PPP2CB: variants seen among roughly 807,000 people sequenced by gnomAD.
The protein encoded by PPP2CB is protein phosphatase 2 catalytic subunit beta, also known as serine/threonine-protein phosphatase 2A catalytic subunit beta isoform.
Under a neutral mutation model 39.1 loss-of-function variants are expected in PPP2CB, and 18 were observed. The ratio of observed to expected loss-of-function variants is 0.46; its 90% CI spans 0.32 to 0.68. The LOEUF (loss-of-function observed/expected upper bound fraction) is 0.68. PPP2CB is among the 30% of genes least tolerant of loss of function. The pLI, the probability that PPP2CB is intolerant of heterozygous loss-of-function variation, is 0.04. For missense variants in PPP2CB, 226 were observed against 396.9 expected (o/e 0.57, Z 3.66); for synonymous variants, 129 against 133.8 (o/e 0.96, Z 0.25).
chr8:30,789,473 G>A (rs999254510), intron 6 of PPP2CB, among the ~76,000 whole-genome samples: 4 of 152,194 alleles, frequency 2.6e-5, no homozygotes, highest in African/African-American at 7.2e-5. Flanking sequence ...CACCGGAAAT[G>A]TTATGTGACT....
At chr8:30,792,035 T>C (rs146163097) in intron 5 of PPP2CB, among the ~76,000 whole-genome samples, 2 of 151,710 alleles carry the variant, frequency 1.3e-5, no homozygotes, top group Admixed American at 1.3e-4. Context: ...TATGTATACA[T>C]ATATATACAT....
chr8:30,809,681 C>G (rs1261294525), intron 1 of PPP2CB, among the ~76,000 whole-genome samples: 2 of 152,162 alleles, frequency 1.3e-5, no homozygotes, highest in Non-Finnish European at 2.9e-5. Flanking sequence ...TGGCTCACTC[C>G]CGCAATCCCT....
At chr8:30,794,473 CTT>C (rs61107762) in intron 3 of PPP2CB, 192 bp from the exon 4 acceptor site, 3,525 of 389,412 alleles carry the variant, frequency 9.1e-3, no homozygotes, top group Middle Eastern at 0.012. Context: ...CATTAAATTT[CTT>C]TTTTTTTTTT....
chr8:30,790,740 C>G (rs1036146246), intron 6 of PPP2CB, among the ~76,000 whole-genome samples: 1 of 152,236 alleles, frequency 6.6e-6, no homozygotes, highest in African/African-American at 2.4e-5. Context: ...GCTTTTGTAA[C>G]TCCAGACTAG....
At chr8:30,810,647 A>G (rs1196734165) in intron 1 of PPP2CB, among the ~76,000 whole-genome samples, 1 of 152,226 alleles carries the variant, frequency 6.6e-6, no homozygotes, top group Non-Finnish European at 1.5e-5. Context: ...TCATGAAATT[A>G]CAGGTTATCA....
chr8:30,803,945 C>G (rs1435932324), intron 1 of PPP2CB, among the ~76,000 whole-genome samples: 1 of 152,070 alleles, frequency 6.6e-6, no homozygotes, highest in African/African-American at 2.4e-5. Context: ...GCCTTAGCCT[C>G]CCAAGTAGCT....
At chr8:30,791,755 T>G (rs562458662) in intron 5 of PPP2CB, among the ~76,000 whole-genome samples, 147 of 152,188 alleles carry the variant, frequency 9.7e-4, no homozygotes, top group African/African-American at 3.2e-3. Context: ...ATACCTTTTA[T>G]TAGAGCCTAT....
At chr8:30,805,732 T>C (rs977486841) in intron 1 of PPP2CB, among the ~76,000 whole-genome samples, 4 of 152,196 alleles carry the variant, frequency 2.6e-5, no homozygotes, top group African/African-American at 9.6e-5. Flanking sequence ...AGTCTCAACA[T>C]AAAAACGATT....
At chr8:30,789,049 CTTTT>C (rs5890534) in intron 6 of PPP2CB, among the ~76,000 whole-genome samples, 1 of 137,040 alleles carries the variant, frequency 7.3e-6, no homozygotes, top group African/African-American at 2.7e-5. Flanking sequence ...GATGTTTTTA[CTTTT>C]TTTTTTTTTT....
intron 5 of PPP2CB, chr8:30,793,191 C>T (rs1396976588): frequency 6.6e-6 from 1 of 152,010 alleles, no homozygotes; most frequent in Non-Finnish European, 1.5e-5. Context: ...ACATTGAATC[C>T]CTAACTGCAA....
intron 1 of PPP2CB, among the ~76,000 whole-genome samples, chr8:30,809,444 T>G (rs1806786798): frequency 1.3e-5 from 2 of 152,034 alleles, no homozygotes; most frequent in Admixed American, 1.3e-4. Flanking sequence ...GTATATATAC[T>G]CATACATACA....
chr8:30,809,495 C>G (rs1278616827), intron 1 of PPP2CB, among the ~76,000 whole-genome samples: 1 of 152,084 alleles, frequency 6.6e-6, no homozygotes, highest in African/African-American at 2.4e-5. Flanking sequence ...AAGAGGGCTG[C>G]AAAACTAAGC....
At chr8:30,793,018 A>G (rs1210526943) in intron 5 of PPP2CB, 2 of 152,130 alleles carry the variant, frequency 1.3e-5, no homozygotes, top group Non-Finnish European at 2.9e-5. Flanking sequence ...TAGTAGTTGT[A>G]TAACAGTTAA....
rs1806859689 is a variant in PPP2CB, at chr8:30,812,544, C to T, written c.-123G>A. On this transcript the variant is annotated 5_prime_UTR_variant, in exon 1 of 7. Coordinates refer to ENST00000221138, the MANE Select transcript of PPP2CB (RefSeq NM_001009552.2). ...CTCCCTCCGCCGCCGTCGCCAGGTCCCACAGGGGGAGGACTGAGCCGGGTA... is the reference window on the plus strand; with the variant it reads ...CTCCCTCCGCCGCCGTCGCCAGGTCTCACAGGGGGAGGACTGAGCCGGGTA... 6 of 596,718 alleles carry T rather than the reference C, an allele frequency of 1.0e-5. 1 individual carries two copies. In the South Asian group the frequency reaches 1.9e-4, roughly 19 times the overall value. The allele number at this position is 596,718 out of a possible 1,614,324, so 37.0% of individuals were successfully genotyped here. A position where few individuals can be genotyped will look rare whatever the true frequency, so the allele number is the denominator to read the frequency against.
At chr8:30,809,580 T>C (rs1269288296) in intron 1 of PPP2CB, among the ~76,000 whole-genome samples, 2 of 150,942 alleles carry the variant, frequency 1.3e-5, no homozygotes, top group African/African-American at 2.4e-5. Flanking sequence ...TCAATGGGGG[T>C]AGAGAACAAA....
intron 6 of PPP2CB, 58 bp from the exon 7 acceptor site, chr8:30,786,365 G>A (rs1378883236): frequency 7.3e-7 from 1 of 1,377,284 alleles, no homozygotes; most frequent in Non-Finnish European, 1.0e-6. Context: ...GAAAACAAAT[G>A]AATAAAGAAC....
At chr8:30,803,523 C>T (rs1022575383) in intron 1 of PPP2CB, among the ~76,000 whole-genome samples, 5 of 151,002 alleles carry the variant, frequency 3.3e-5, no homozygotes, top group Non-Finnish European at 5.9e-5. Flanking sequence ...CCAGCCTAGG[C>T]GACAGTAAGA....
At chr8:30,790,463 G>A (rs1226873762) in intron 6 of PPP2CB, among the ~76,000 whole-genome samples, 2 of 152,226 alleles carry the variant, frequency 1.3e-5, no homozygotes, top group South Asian at 4.1e-4. Flanking sequence ...AAAGCACTCA[G>A]ATTTGGAATT....
intron 1 of PPP2CB, among the ~76,000 whole-genome samples, chr8:30,802,507 G>GTCTC (rs899187630): frequency 7.2e-5 from 11 of 152,058 alleles, no homozygotes; most frequent in African/African-American, 2.7e-4. Context: ...TTGAGACAGG[G>GTCTC]TCTCGCTCTG....
Sources: gnomAD v4.1 joint callset for allele counts (sites outside exome capture counted in the v4.1 genomes callset) on GRCh38, gnomAD v4.1.1 for gene constraint, MANE v1.5 for transcripts, NCBI Gene and HGNC (gene_info 2026-07-23, HGNC 2026-07-21) for gene names.